Variants in MGAT4C observed in about 807,000 individuals in gnomAD.
The protein encoded by MGAT4C is MGAT4 family member C.
A neutral mutation model predicts 40.1 loss-of-function variants in MGAT4C; 19 were observed. That is an observed-to-expected ratio of 0.47 (90% CI 0.33 to 0.70). The LOEUF (loss-of-function observed/expected upper bound fraction) is 0.70. Ranked by LOEUF, MGAT4C falls within the 30% of genes least tolerant of loss-of-function variation. The pLI, the probability that MGAT4C is intolerant of heterozygous loss-of-function variation, is 0.02. For missense variants in MGAT4C, 491 were observed against 563.2 expected (o/e 0.87, Z 1.30); for synonymous variants, 181 against 187.1 (o/e 0.97, Z 0.27).
At chr12:86,168,183 A>G (rs895141084) in intron 1 of MGAT4C, among the ~76,000 whole-genome samples, 1 of 152,184 alleles carries the variant, frequency 6.6e-6, no homozygotes, top group Non-Finnish European at 1.5e-5. Flanking sequence ...GTTCAAGTAC[A>G]AATCTGTATA....
At chr12:86,183,721 T>A (rs905495060) in intron 1 of MGAT4C, among the ~76,000 whole-genome samples, 3 of 152,160 alleles carry the variant, frequency 2.0e-5, no homozygotes, top group Admixed American at 1.3e-4. Context: ...CCTTCTGACT[T>A]ACATACTGGC....
At chr12:86,748,106 G>A (rs996608557) in intron 1 of MGAT4C, among the ~76,000 whole-genome samples, 1 of 151,528 alleles carries the variant, frequency 6.6e-6, no homozygotes, top group Non-Finnish European at 1.5e-5. Flanking sequence ...GTAAATACCT[G>A]CAAAATTCCT....
At chr12:86,426,601 C>T (rs1328623162) in intron 3 of MGAT4C, among the ~76,000 whole-genome samples, 1 of 152,138 alleles carries the variant, frequency 6.6e-6, no homozygotes, top group East Asian at 1.9e-4. Context: ...AGCCTCTGCT[C>T]CAAATGCATA....
intron 1 of MGAT4C, among the ~76,000 whole-genome samples, chr12:86,077,724 G>A (rs1870019967): frequency 6.6e-6 from 1 of 152,198 alleles, no homozygotes; most frequent in South Asian, 2.1e-4. Flanking sequence ...GGATTGGGCT[G>A]TTGTAGTTTC....
At chr12:86,394,577 A>G (rs1310134788) in intron 3 of MGAT4C, among the ~76,000 whole-genome samples, 5 of 143,704 alleles carry the variant, frequency 3.5e-5, no homozygotes, top group East Asian at 3.9e-4. Flanking sequence ...ATATTTATAT[A>G]TGTGTATAAA....
chr12:86,284,083 G>A (rs1953286501), intron 4 of MGAT4C, among the ~76,000 whole-genome samples: 1 of 151,926 alleles, frequency 6.6e-6, no homozygotes, highest in African/African-American at 2.4e-5. Context: ...TAAATGCACT[G>A]GCTAAAAGAC....
chr12:86,248,450 A>G (rs1366065999), intron 1 of MGAT4C, among the ~76,000 whole-genome samples: 1 of 151,572 alleles, frequency 6.6e-6, no homozygotes, highest in African/African-American at 2.4e-5. Context: ...CACCTCCCTA[A>G]TGCCCCTCAG....
At position 85,971,268 on chromosome 12, in the gene MGAT4C, C is replaced by T. The variant is rs1346670049; in HGVS notation, c.*8021G>A. 2.6e-5 allele frequency: 4 copies of T among 151,054 alleles called. No individual in the cohort carries two copies. Among genetic ancestry groups the T allele is most frequent in the Non-Finnish European group, 5.9e-5 (4 of 67,338 alleles). 9.4% of individuals were successfully genotyped at this position (151,054 alleles called of 1,614,324 possible). A position where few individuals can be genotyped will look rare whatever the true frequency, so the allele number is the denominator to read the frequency against. On this transcript the variant is annotated 3_prime_UTR_variant, in exon 5 of 5. Transcript: ENST00000611864. ...CATCAGATCAACACTATTGGGCACC[C>T]AGTTATTTGGTGGTACGCTGAGTGA...
intron 2 of MGAT4C, among the ~76,000 whole-genome samples, chr12:86,514,832 A>C (rs1268691083): frequency 2.0e-5 from 3 of 152,220 alleles, no homozygotes; most frequent in Non-Finnish European, 2.9e-5. Context: ...ATCACATTTA[A>C]GAAAATTAAA....
At chr12:86,012,853 G>A (rs1035157396) in intron 2 of MGAT4C, among the ~76,000 whole-genome samples, 2 of 151,650 alleles carry the variant, frequency 1.3e-5, no homozygotes, top group East Asian at 1.9e-4. Context: ...GCCTGGTGCA[G>A]TGGCTCGTGC....
intron 2 of MGAT4C, among the ~76,000 whole-genome samples, chr12:86,720,690 C>T (rs1042643266): frequency 6.6e-6 from 1 of 152,074 alleles, no homozygotes; most frequent in Non-Finnish European, 1.5e-5. Context: ...GATTTACGAC[C>T]TTAAGGCACT....
intron 1 of MGAT4C, among the ~76,000 whole-genome samples, chr12:86,180,778 G>T (rs1039551228): frequency 3.9e-5 from 6 of 152,138 alleles, no homozygotes; most frequent in African/African-American, 9.7e-5. Context: ...GCTTGCTTTT[G>T]ATATTCAGGC....
chr12:86,363,069 C>G (rs1955517363), intron 3 of MGAT4C, among the ~76,000 whole-genome samples: 1 of 151,726 alleles, frequency 6.6e-6, no homozygotes, highest in Non-Finnish European at 1.5e-5. Context: ...AATATAACTG[C>G]AAAGAGAAAT....
chr12:86,552,875 T>C (rs1290697571), intron 2 of MGAT4C, among the ~76,000 whole-genome samples: 3 of 152,092 alleles, frequency 2.0e-5, no homozygotes, highest in Admixed American at 6.5e-5. Flanking sequence ...GTAATTGTGG[T>C]TTTACCATTA....
At chr12:86,410,395 C>T (rs933983742) in intron 3 of MGAT4C, among the ~76,000 whole-genome samples, 2 of 152,076 alleles carry the variant, frequency 1.3e-5, no homozygotes, top group Non-Finnish European at 1.5e-5. Flanking sequence ...TATTAATATT[C>T]CTTGCTGGGA....
At chr12:86,186,265 T>G (rs552786637) in intron 1 of MGAT4C, among the ~76,000 whole-genome samples, 1 of 152,248 alleles carries the variant, frequency 6.6e-6, no homozygotes, top group South Asian at 2.1e-4. Flanking sequence ...GCAGGTATTA[T>G]AAACAATGAA....
At chr12:86,809,643 C>T (rs541187368) in intron 1 of MGAT4C, among the ~76,000 whole-genome samples, 1 of 152,000 alleles carries the variant, frequency 6.6e-6, no homozygotes, top group Non-Finnish European at 1.5e-5. Flanking sequence ...TGTTGAATAG[C>T]TTTTCATGTG....
In MGAT4C at chr12:86,686,382, G is replaced by C. The variant is rs560485894; in HGVS notation, c.-229+40827C>G. On this transcript the variant is annotated intron_variant, in intron 2 of 7. Transcript: ENST00000548651. The stretch of plus-strand genomic sequence containing the variant: ...GAACTTCCAATACTATGTTGAATAG[G>C]AGTAAGGAAGAGGGCATCCTTATCT... Among the ~76,000 whole-genome samples the C allele has an allele frequency of 1.7e-4, 26 of 152,200 alleles. No individual in the cohort carries two copies. In the South Asian group the frequency reaches 5.4e-3, roughly 32 times the overall value.
chr12:86,194,571 C>T (rs1249144622), intron 1 of MGAT4C, among the ~76,000 whole-genome samples: 1 of 151,740 alleles, frequency 6.6e-6, no homozygotes. Context: ...TCTCCTGTCT[C>T]AGCCTCCCTA....
Sources: gnomAD v4.1 joint callset for allele counts (sites outside exome capture counted in the v4.1 genomes callset) on GRCh38, gnomAD v4.1.1 for gene constraint, MANE v1.5 for transcripts, NCBI Gene and HGNC (gene_info 2026-07-23, HGNC 2026-07-21) for gene names.